SYNPO2: variants seen among roughly 807,000 people sequenced by gnomAD.
SYNPO2 encodes the protein synaptopodin-2.
A neutral mutation model predicts 85.0 loss-of-function variants in SYNPO2; 56 were observed. That is an observed-to-expected ratio of 0.66 (90% confidence interval 0.53 to 0.82). The LOEUF (loss-of-function observed/expected upper bound fraction) is 0.82. Ranked by LOEUF, SYNPO2 falls within the 40% of genes least tolerant of loss-of-function variation. The pLI is 0.00. For synonymous variants in SYNPO2, 602 were observed against 591.1 expected, an observed-to-expected ratio of 1.02 and a Z score of -0.27; for missense variants, 1,575 against 1,534.2, an observed-to-expected ratio of 1.03 and a Z score of -0.44.
intron 1 of SYNPO2, among the ~76,000 whole-genome samples, chr4:118,957,840 A>G (rs982617504): frequency 1.3e-5 from 2 of 152,322 alleles, no homozygotes; most frequent in Middle Eastern, 3.4e-3. Context: ...CCTTAGAGAG[A>G]GGCAAACACT....
chr4:118,962,995 A>C (rs1433022612), intron 1 of SYNPO2, among the ~76,000 whole-genome samples: 1 of 152,210 alleles, frequency 6.6e-6, no homozygotes, highest in African/African-American at 2.4e-5. Context: ...GTGGTGGTAT[A>C]TTTTGTCCCA....
At chr4:118,934,342 C>G (rs1734029872) in intron 1 of SYNPO2, among the ~76,000 whole-genome samples, 1 of 152,124 alleles carries the variant, frequency 6.6e-6, no homozygotes, top group Non-Finnish European at 1.5e-5. Context: ...TGCTTGGTTT[C>G]CTTGTTGCTG....
rs1737984160 is a variant in SYNPO2 at position 119,026,990 on chromosome 4, A to G, written c.621A>G (p.Arg207=). 2 of 1,614,174 alleles carry G rather than the reference A, an allele frequency of 1.2e-6. No individual in the cohort carries two copies. Among genetic ancestry groups the G allele is most frequent in the Non-Finnish European group, 1.7e-6 (2 of 1,180,040 alleles). Reference sequence around the variant, plus strand: ...TGCAACTGTCCCTTTCACAGGAGAGACATAAGGGCGCTAGTGGCCCTTTAG... The same window carrying G: ...TGCAACTGTCCCTTTCACAGGAGAGGCATAAGGGCGCTAGTGGCCCTTTAG... ...VELQLSLSQE[R]HKGASGPLVA... is the part of the protein sequence containing the mutation. Residue 207 remains arginine (R), a synonymous_variant, in exon 3 of 5, where the codon AGA becomes AGG. Transcript: ENST00000307142.
chr4:118,855,053 G>A (rs1731480635), intron 1 of SYNPO2, among the ~76,000 whole-genome samples: 1 of 151,740 alleles, frequency 6.6e-6, no homozygotes, highest in Non-Finnish European at 1.5e-5. Context: ...CTAGTGAAGT[G>A]TTTAGCAAGT....
rs369698187 is a variant in SYNPO2 at position 119,035,672 on chromosome 4, T to C, written c.3252+3645T>C. 9 of 985,404 alleles carry C rather than the reference T, an allele frequency of 9.1e-6. No homozygotes were observed. The African/African-American group carries it at 1.2e-4, about 13-fold the overall frequency. 61.0% of individuals were successfully genotyped at this position (985,404 alleles called of 1,614,324 possible). ...TAGCCATAGGAAAACCAATCTGAGC[T>C]ACAAATAGTTCTTTAAAATAAGCCC... On this transcript the variant is annotated intron_variant, in intron 4 of 4. Transcript: ENST00000307142.
At chr4:118,993,788 T>G (rs957576092) in intron 1 of SYNPO2, among the ~76,000 whole-genome samples, 2 of 152,258 alleles carry the variant, frequency 1.3e-5, no homozygotes, top group African/African-American at 4.8e-5. Context: ...TGAAATATTT[T>G]TATGAATTTT....
chr4:118,953,600 C>CT (rs113548655), intron 1 of SYNPO2, among the ~76,000 whole-genome samples: 65,096 of 147,966 alleles, frequency 0.44, 14,189 homozygotes, highest in Admixed American at 0.55. Context: ...GAACTGTAGC[C>CT]TTTTTTTTTT....
intron 1 of SYNPO2, among the ~76,000 whole-genome samples, chr4:118,921,779 G>GCACACACACACA (rs149219584): frequency 1.3e-5 from 2 of 148,406 alleles, no homozygotes; most frequent in Non-Finnish European, 3.0e-5. Flanking sequence ...CTTTTCATAT[G>GCACACACACACA]CACACACACA....
intron 4 of SYNPO2, chr4:119,038,162 G>C: frequency 1.2e-5 from 12 of 985,274 alleles, no homozygotes; most frequent in Non-Finnish European, 1.4e-5. Flanking sequence ...ATCAGACCCC[G>C]GAATTTCACT....
intron 1 of SYNPO2, among the ~76,000 whole-genome samples, chr4:118,864,216 A>G (rs909194590): frequency 6.6e-6 from 1 of 152,194 alleles, no homozygotes; most frequent in African/African-American, 2.4e-5. Flanking sequence ...TTGGCCCACC[A>G]ATTTTTCAGG....
intron 2 of SYNPO2, 70 bp from the exon 3 acceptor site, chr4:119,026,557 T>C: frequency 6.8e-7 from 1 of 1,470,474 alleles, no homozygotes; most frequent in Non-Finnish European, 9.1e-7. Context: ...ATCACAAAAG[T>C]GTCAGGAAGT....
intron 1 of SYNPO2, among the ~76,000 whole-genome samples, chr4:118,937,288 A>G (rs1026842214): frequency 1.3e-5 from 2 of 151,956 alleles, no homozygotes; most frequent in African/African-American, 4.8e-5. Context: ...CATTTCCATT[A>G]CTAGAACAAA....
chr4:118,987,371 T>C (rs1002329664), intron 1 of SYNPO2, among the ~76,000 whole-genome samples: 2 of 152,194 alleles, frequency 1.3e-5, no homozygotes, highest in African/African-American at 4.8e-5. Flanking sequence ...CTTCACTTAT[T>C]AAAATGCCTA....
chr4:118,871,770 A>C (rs982483140), intron 1 of SYNPO2, among the ~76,000 whole-genome samples: 13 of 152,058 alleles, frequency 8.5e-5, no homozygotes, highest in South Asian at 6.2e-4. Context: ...GGGGTTTCAC[A>C]TTGTTAGCCA....
chr4:118,921,651 A>C (rs1312744685), intron 1 of SYNPO2, among the ~76,000 whole-genome samples: 4 of 152,158 alleles, frequency 2.6e-5, no homozygotes, highest in African/African-American at 9.7e-5. Flanking sequence ...GCAAAGCCAA[A>C]GCTCTTTAAT....
chr4:119,037,150 A>G, intron 4 of SYNPO2: 1 of 1,546,724 alleles, frequency 6.5e-7, no homozygotes, highest in South Asian at 1.2e-5. Flanking sequence ...AAGATATCAT[A>G]AGGACCTACT....
chr4:118,897,330 A>G (rs1732582947), intron 1 of SYNPO2, among the ~76,000 whole-genome samples: 1 of 152,100 alleles, frequency 6.6e-6, no homozygotes, highest in South Asian at 2.1e-4. Flanking sequence ...ACATGTGAGG[A>G]TTGCAATTTG....
intron 1 of SYNPO2, among the ~76,000 whole-genome samples, chr4:118,905,870 T>C (rs530516478): frequency 1.1e-4 from 16 of 152,324 alleles, no homozygotes; most frequent in Admixed American, 2.0e-4. Flanking sequence ...TCCTATTTGA[T>C]ACTTAGATAT....
chr4:118,943,670 G>GA (rs907152246), intron 1 of SYNPO2, among the ~76,000 whole-genome samples: 1 of 152,084 alleles, frequency 6.6e-6, no homozygotes, highest in Admixed American at 6.5e-5. Flanking sequence ...TTGGTTTTAG[G>GA]AAAAAATTAA....
Sources: gnomAD v4.1 joint callset for allele counts (sites outside exome capture counted in the v4.1 genomes callset) on GRCh38, gnomAD v4.1.1 for gene constraint, MANE v1.5 for transcripts, NCBI Gene and HGNC (gene_info 2026-07-23, HGNC 2026-07-21) for gene names.